The following EYS variants were observed in gnomAD, a reference collection of about 807,000 sequenced individuals.
The protein encoded by EYS is protein eyes shut homolog.
Under a neutral mutation model 282.1 loss-of-function variants are expected in EYS, and 250 were observed. The ratio of observed to expected loss-of-function variants is 0.89; its 90% CI spans 0.80 to 0.98. EYS has a LOEUF of 0.98. Ranked by LOEUF, EYS falls within the 50% of genes least tolerant of loss-of-function variation. The pLI is 0.00. For synonymous variants in EYS, 1,355 were observed against 1,282.9 expected, an observed-to-expected ratio of 1.06 and a Z score of -1.20; for missense variants, 4,016 against 3,709.0, an observed-to-expected ratio of 1.08 and a Z score of -2.15.
chr6:64,998,018 A>G (rs1771331742), intron 13 of EYS, among the ~76,000 whole-genome samples: 1 of 152,200 alleles, frequency 6.6e-6, no homozygotes, highest in Non-Finnish European at 1.5e-5. Flanking sequence ...TTGGCAGTAC[A>G]CAATATATAT....
intron 12 of EYS, among the ~76,000 whole-genome samples, chr6:65,287,037 C>T (rs138202091): frequency 1.0e-3 from 156 of 151,306 alleles, no homozygotes; most frequent in African/African-American, 3.5e-3. Flanking sequence ...TTGGATTTCC[C>T]GCAGGAAGCT....
intron 6 of EYS, among the ~76,000 whole-genome samples, chr6:65,403,653 A>G (rs1766603207): frequency 6.6e-6 from 1 of 151,982 alleles, no homozygotes; most frequent in South Asian, 2.1e-4. Context: ...TATCTACAAA[A>G]TAATTCTTCT....
chr6:65,523,700 A>T lies in EYS; in HGVS notation c.-332-27707T>A, dbSNP rs190017798. On this transcript the variant is annotated intron_variant, in intron 2 of 42. Transcript: ENST00000503581. ...TTAAAAATAACTTTTTTTAAAAAAA[A>T]GTTTAAATGTTTATATACTGCTAGA... 9.3e-3 allele frequency among the ~76,000 whole-genome samples: 1,419 copies of T among 152,076 alleles called. 23 individuals carry two copies. The highest frequency in any genetic ancestry group is 0.033 in the African/African-American group (1,363 of 41,528).
chr6:63,834,004 CA>C (rs2149693311), intron 36 of EYS, among the ~76,000 whole-genome samples: 1 of 152,244 alleles, frequency 6.6e-6, no homozygotes, highest in African/African-American at 2.4e-5. Flanking sequence ...ACTGGCTAGC[CA>C]TATGTAGAAA....
intron 12 of EYS, among the ~76,000 whole-genome samples, chr6:65,259,360 CAGTTTTGCAG>C (rs1270679597): frequency 1.3e-5 from 2 of 152,066 alleles, no homozygotes; most frequent in Non-Finnish European, 2.9e-5. Flanking sequence ...GAGATTCCTG[CAGTTTTGCAG>C]CAAATTTTCT....
intron 26 of EYS, among the ~76,000 whole-genome samples, chr6:64,467,539 T>C (rs1775964917): frequency 6.6e-6 from 1 of 152,122 alleles, no homozygotes; most frequent in Non-Finnish European, 1.5e-5. Flanking sequence ...TGGAGATTGA[T>C]CAGTTCTGCC....
intron 29 of EYS, among the ~76,000 whole-genome samples, chr6:64,328,557 G>T (rs1770514904): frequency 6.6e-6 from 1 of 152,210 alleles, no homozygotes; most frequent in Admixed American, 6.5e-5. Context: ...CCCAGAGGCT[G>T]CGGGTAATCA....
intron 22 of EYS, among the ~76,000 whole-genome samples, chr6:64,783,178 C>T (rs1232845795): frequency 6.6e-6 from 1 of 151,986 alleles, no homozygotes; most frequent in African/African-American, 2.4e-5. Flanking sequence ...GTCCTAGTAA[C>T]CCTTATTTTA....
At chr6:64,384,672 C>A (rs534056186) in intron 29 of EYS, among the ~76,000 whole-genome samples, 10 of 152,268 alleles carry the variant, frequency 6.6e-5, no homozygotes, top group African/African-American at 2.4e-4. Context: ...AAAGTGTAAG[C>A]AATTAAAGCA....
At chr6:65,625,483 C>T (rs562937598) in intron 2 of EYS, among the ~76,000 whole-genome samples, 2 of 152,186 alleles carry the variant, frequency 1.3e-5, no homozygotes, top group African/African-American at 4.8e-5. Context: ...TAAATCTTTC[C>T]AATATGAACA....
At chr6:64,584,267 A>C (rs1424231024) in intron 26 of EYS, among the ~76,000 whole-genome samples, 1 of 152,040 alleles carries the variant, frequency 6.6e-6, no homozygotes, top group African/African-American at 2.4e-5. Flanking sequence ...TGTGGTGTGC[A>C]TGTATACATG....
chr6:65,115,618 AAT>A (rs1178819878), intron 12 of EYS, among the ~76,000 whole-genome samples: 1 of 152,118 alleles, frequency 6.6e-6, no homozygotes, highest in African/African-American at 2.4e-5. Flanking sequence ...AGATAATACT[AAT>A]ACCAATTAGA....
chr6:64,675,259 T>C (rs993252985), intron 22 of EYS, among the ~76,000 whole-genome samples: 1 of 152,284 alleles, frequency 6.6e-6, no homozygotes, highest in African/African-American at 2.4e-5. Flanking sequence ...TCTTCTATCA[T>C]GTACCATCTG....
intron 13 of EYS, among the ~76,000 whole-genome samples, chr6:65,051,485 A>C (rs1773266563): frequency 6.6e-6 from 1 of 151,648 alleles, no homozygotes; most frequent in Non-Finnish European, 1.5e-5. Flanking sequence ...TGATACATGT[A>C]TACATTATGG....
At chr6:65,080,915 C>A (rs1228687965) in intron 12 of EYS, among the ~76,000 whole-genome samples, 5 of 152,008 alleles carry the variant, frequency 3.3e-5, no homozygotes, top group African/African-American at 1.2e-4. Context: ...AACCTGGTAT[C>A]TTTATCTATG....
chr6:64,892,970 G>C (rs780508500), intron 18 of EYS, among the ~76,000 whole-genome samples: 1 of 151,990 alleles, frequency 6.6e-6, no homozygotes, highest in Non-Finnish European at 1.5e-5. Flanking sequence ...TAATGATCTC[G>C]CTATGATAAT....
At chr6:64,020,784 A>G (rs924329517) in intron 33 of EYS, among the ~76,000 whole-genome samples, 2 of 152,200 alleles carry the variant, frequency 1.3e-5, no homozygotes, top group African/African-American at 2.4e-5. Context: ...GTTAACTTTG[A>G]ATCATCTGAT....
intron 2 of EYS, among the ~76,000 whole-genome samples, chr6:65,599,686 T>G (rs1765545731): frequency 6.6e-6 from 1 of 152,116 alleles, no homozygotes; most frequent in Non-Finnish European, 1.5e-5. Flanking sequence ...GATAAAAATT[T>G]AGTCCAATGT....
At chr6:64,312,111 A>G (rs1769735537) in intron 29 of EYS, among the ~76,000 whole-genome samples, 1 of 151,968 alleles carries the variant, frequency 6.6e-6, no homozygotes, top group Non-Finnish European at 1.5e-5. Context: ...ACGGAGCCCA[A>G]CAAGCTAAGA....
Sources: allele counts gnomAD v4.1 joint callset (sites outside exome capture counted in the v4.1 genomes callset), GRCh38; gene constraint gnomAD v4.1.1; transcripts MANE v1.5; gene names NCBI Gene and HGNC (gene_info 2026-07-23, HGNC 2026-07-21).